Variants in KHDRBS2 observed in about 807,000 individuals in gnomAD.
KHDRBS2 encodes KH domain-containing, RNA-binding, signal transduction-associated protein 2.
In KHDRBS2, 26 loss-of-function variants were observed where a neutral mutation model predicts 44.3. That is an observed-to-expected ratio of 0.59 (90% CI 0.43 to 0.81). The LOEUF is 0.81. KHDRBS2 is among the 40% of genes least tolerant of loss of function. The probability of loss-of-function intolerance (pLI) is 0.00; values close to 1 mark genes in which losing one functional copy is unlikely to be tolerated. For missense variants in KHDRBS2, 476 were observed against 433.1 expected (o/e 1.10, Z -0.88); for synonymous variants, 194 against 151.1 (o/e 1.28, Z -2.08).
intron 1 of KHDRBS2, among the ~76,000 whole-genome samples, chr6:62,218,516 T>A (rs780003737): frequency 1.3e-5 from 2 of 151,486 alleles, no homozygotes; most frequent in Non-Finnish European, 3.0e-5. Flanking sequence ...AAGACAGATA[T>A]CAAATATGTA....
In KHDRBS2 at chr6:62,178,242, T is replaced by A. The variant is rs554260890; in HGVS notation, c.92-930A>T. Among the ~76,000 whole-genome samples the A allele has an allele frequency of 1.8e-4, 27 of 151,618 alleles. No homozygotes were observed. In the South Asian group the frequency reaches 2.3e-3, roughly 13 times the overall value. On this transcript the variant is annotated intron_variant, in intron 1 of 8. Coordinates refer to ENST00000281156, the MANE Select transcript of KHDRBS2 (RefSeq NM_152688.4). ...CTGAATGACAGAGAAGAATAAGCCATGAGAAGACTAAGAAGAGCTTAACAG... is the reference window on the plus strand; with the variant it reads ...CTGAATGACAGAGAAGAATAAGCCAAGAGAAGACTAAGAAGAGCTTAACAG...
chr6:62,102,056 C>A (rs1276734447), intron 2 of KHDRBS2, among the ~76,000 whole-genome samples: 1 of 152,096 alleles, frequency 6.6e-6, no homozygotes, highest in Non-Finnish European at 1.5e-5. Context: ...TAATAAGCAA[C>A]ATTCTTTGAT....
At chr6:61,843,212 G>T (rs1793855820) in intron 6 of KHDRBS2, among the ~76,000 whole-genome samples, 1 of 151,884 alleles carries the variant, frequency 6.6e-6, no homozygotes, top group Non-Finnish European at 1.5e-5. Context: ...TGGGTACAGG[G>T]TATCTTTTCG....
At chr6:62,243,537 TTTACTC>T (rs1835043101) in intron 1 of KHDRBS2, among the ~76,000 whole-genome samples, 1 of 151,880 alleles carries the variant, frequency 6.6e-6, no homozygotes. Context: ...ACGTGACACT[TTTACTC>T]TGAAGTGTAA....
At chr6:61,968,248 A>G (rs16868194) in intron 4 of KHDRBS2, among the ~76,000 whole-genome samples, 6,814 of 151,956 alleles carry the variant, frequency 0.045, 540 homozygotes, top group African/African-American at 0.16. Flanking sequence ...GAATGACCAC[A>G]TTATAATGTA....
At chr6:62,202,025 T>C (rs1827092742) in intron 1 of KHDRBS2, among the ~76,000 whole-genome samples, 1 of 152,024 alleles carries the variant, frequency 6.6e-6, no homozygotes, top group Non-Finnish European at 1.5e-5. Context: ...AAACAATAAA[T>C]ATTCATTTTT....
Position 61,713,643 on chromosome 6 carries a change from G to A in KHDRBS2, c.894-16390C>T, listed in dbSNP as rs183253231. Among the ~76,000 whole-genome samples the A allele has an allele frequency of 2.7e-5, 4 of 146,480 alleles. No homozygotes were observed. In the South Asian group the frequency reaches 6.4e-4, roughly 24 times the overall value. Reference sequence around the variant, plus strand: ...TCAGGCTCTTTTTTTGATTCCATATGAATCTCAAGCATATAGTAAGCAAAC... The same window carrying A: ...TCAGGCTCTTTTTTTGATTCCATATAAATCTCAAGCATATAGTAAGCAAAC... On this transcript the variant is annotated intron_variant, in intron 7 of 8. Transcript: ENST00000281156.
rs115712543 is a variant in KHDRBS2, at chr6:62,244,118, C to G, written c.91+41740G>C. 2.5e-3 allele frequency among the ~76,000 whole-genome samples: 382 copies of G among 152,138 alleles called. 3 individuals carry two copies. The highest frequency in any genetic ancestry group is 8.4e-3 in the African/African-American group (350 of 41,532). The stretch of plus-strand genomic sequence containing the variant: ...GTCATCTGCTACTTTAAAAAAGATT[C>G]CTGAGTTTGCCAACAGTTTATGTAG... On this transcript the variant is annotated intron_variant, in intron 1 of 8. Transcript: ENST00000281156.
chr6:62,194,173 T>A (rs747724312), intron 1 of KHDRBS2, among the ~76,000 whole-genome samples: 1 of 152,138 alleles, frequency 6.6e-6, no homozygotes, highest in Admixed American at 6.6e-5. Flanking sequence ...CATACTTCTA[T>A]GTTTTTTTCC....
chr6:61,582,824 T>C, the KHDRBS2 span, among the ~76,000 whole-genome samples: 1 of 151,810 alleles, frequency 6.6e-6, no homozygotes, highest in Non-Finnish European at 1.5e-5. Context: ...TACATTTTAC[T>C]GTATAATTTA....
intron 6 of KHDRBS2, among the ~76,000 whole-genome samples, chr6:61,755,912 C>T (rs1778424115): frequency 6.6e-6 from 1 of 152,040 alleles, no homozygotes; most frequent in Non-Finnish European, 1.5e-5. Context: ...GAGTTAGAGT[C>T]CACCAATGCT....
chr6:61,776,535 A>G (rs1330083350), intron 6 of KHDRBS2, among the ~76,000 whole-genome samples: 1 of 152,214 alleles, frequency 6.6e-6, no homozygotes, highest in Non-Finnish European at 1.5e-5. Flanking sequence ...ACACATGAAA[A>G]AATGCTCACC....
chr6:61,673,701 G>A, the KHDRBS2 span, among the ~76,000 whole-genome samples: 1 of 138,524 alleles, frequency 7.2e-6, no homozygotes, highest in South Asian at 2.5e-4. Context: ...AAAATACCTA[G>A]GAATCCAACT....
At chr6:61,751,995 A>AT (rs1432226627) in intron 6 of KHDRBS2, among the ~76,000 whole-genome samples, 1 of 152,086 alleles carries the variant, frequency 6.6e-6, no homozygotes, top group Non-Finnish European at 1.5e-5. Flanking sequence ...CACAAATCAT[A>AT]TCCAATTAGG....
intron 2 of KHDRBS2, among the ~76,000 whole-genome samples, chr6:62,124,860 C>T (rs1264949872): frequency 6.6e-6 from 1 of 152,250 alleles, no homozygotes; most frequent in Non-Finnish European, 1.5e-5. Flanking sequence ...ATACCAGCCA[C>T]ATATAACTGT....
intron 2 of KHDRBS2, among the ~76,000 whole-genome samples, chr6:62,090,549 T>A (rs1008557286): frequency 1.3e-4 from 19 of 151,106 alleles, no homozygotes; most frequent in African/African-American, 4.6e-4. Context: ...CTAGTGGTTA[T>A]AGGAAAGGTG....
intron 2 of KHDRBS2, among the ~76,000 whole-genome samples, chr6:62,081,597 C>A (rs1562812606): frequency 6.6e-6 from 1 of 151,968 alleles, no homozygotes; most frequent in African/African-American, 2.4e-5. Context: ...TAAAGCAGAT[C>A]AAGGAAAGGA....
intron 6 of KHDRBS2, among the ~76,000 whole-genome samples, chr6:61,843,917 C>A (rs775818917): frequency 5.9e-5 from 9 of 152,008 alleles, no homozygotes; most frequent in Non-Finnish European, 1.2e-4. Context: ...ATCGAATGAA[C>A]CCTTAATTCT....
the KHDRBS2 span, among the ~76,000 whole-genome samples, chr6:61,666,218 A>G: frequency 1.3e-5 from 2 of 151,492 alleles, no homozygotes; most frequent in African/African-American, 4.8e-5. Context: ...ATTTCTAAAA[A>G]CATATCCAGA....
Sources: gnomAD v4.1 joint callset for allele counts (sites outside exome capture counted in the v4.1 genomes callset) on GRCh38, gnomAD v4.1.1 for gene constraint, MANE v1.5 for transcripts, NCBI Gene and HGNC (gene_info 2026-07-23, HGNC 2026-07-21) for gene names.